Variants in DIS3L2 observed in about 807,000 individuals in gnomAD.
The protein encoded by DIS3L2 is DIS3-like exonuclease 2.
A neutral mutation model predicts 97.5 loss-of-function variants in DIS3L2; 34 were observed. That is an observed-to-expected ratio of 0.35 (90% confidence interval 0.27 to 0.46). The LOEUF (loss-of-function observed/expected upper bound fraction) is 0.46, where lower values mean the gene tolerates loss of function less well. Among genes scored for constraint, DIS3L2 ranks in the 20% least tolerant of loss-of-function variants. DIS3L2 has a pLI of 1.00. For synonymous variants in DIS3L2, 435 were observed against 445.2 expected (o/e 0.98, Z 0.29); for missense variants, 1,038 against 1,146.0 (o/e 0.91, Z 1.36).
chr2:232,245,054 G>A (rs1652530001), intron 11 of DIS3L2, among the ~76,000 whole-genome samples: 1 of 152,234 alleles, frequency 6.6e-6, no homozygotes, highest in East Asian at 1.9e-4. Flanking sequence ...GGTTCACACT[G>A]CATAGCAAAG....
At chr2:232,024,612 C>T (rs567172313) in intron 4 of DIS3L2, among the ~76,000 whole-genome samples, 166 of 152,292 alleles carry the variant, frequency 1.1e-3, no homozygotes, top group African/African-American at 3.9e-3. Flanking sequence ...TGTAACTGGA[C>T]GCCCTTGGTT....
downstream of DIS3L2, chr2:232,339,770 G>A (rs774292337): frequency 1.1e-5 from 5 of 454,452 alleles, no homozygotes; most frequent in Non-Finnish European, 1.8e-5. Flanking sequence ...TTTTGGGAGC[G>A]CAGGCAGGAT....
In DIS3L2 at chr2:232,199,583, C is replaced by G. The variant is rs137962456; in HGVS notation, c.1125-10743C>G. ...TGTGATTCTGGTCCCTGAACTGATA[C>G]AGAGTGATTTCCAGGATTTATTATT... On this transcript the variant is annotated intron_variant, in intron 9 of 20. Coordinates refer to ENST00000325385, the MANE Select transcript of DIS3L2 (RefSeq NM_152383.5). Among the ~76,000 whole-genome samples the G allele has an allele frequency of 2.6e-3, 392 of 152,140 alleles. 2 individuals carry two copies. Among genetic ancestry groups the G allele is most frequent in the African/African-American group, 8.9e-3 (368 of 41,506 alleles).
intron 10 of DIS3L2, among the ~76,000 whole-genome samples, chr2:232,232,145 A>G (rs776383615): frequency 2.6e-5 from 4 of 152,018 alleles, no homozygotes; most frequent in Admixed American, 1.3e-4. Flanking sequence ...CCACATGATG[A>G]GCAGTTGGGT....
chr2:232,200,076 G>A (rs1691849258), intron 9 of DIS3L2, among the ~76,000 whole-genome samples: 1 of 152,200 alleles, frequency 6.6e-6, no homozygotes, highest in Admixed American at 6.5e-5. Flanking sequence ...GTTGTGAGTG[G>A]TGTTGGCATT....
chr2:231,986,506 T>C (rs1031888344), intron 1 of DIS3L2, among the ~76,000 whole-genome samples: 5 of 152,176 alleles, frequency 3.3e-5, no homozygotes, highest in Non-Finnish European at 7.4e-5. Context: ...GGTCCACATA[T>C]TGTGTTTCAT....
rs966751135 is a variant in DIS3L2, at chr2:232,292,790, C to A, written c.1660-7250C>A. Among the ~76,000 whole-genome samples, 2 of 152,184 alleles carry A rather than the reference C, an allele frequency of 1.3e-5. No individual in the cohort carries two copies. Among genetic ancestry groups the A allele is most frequent in the African/African-American group, 4.8e-5 (2 of 41,454 alleles). On this transcript the variant is annotated intron_variant, in intron 13 of 20. Coordinates refer to ENST00000325385, the MANE Select transcript of DIS3L2 (RefSeq NM_152383.5). The surrounding 1 kb of genome is among the most constrained non-coding windows in gnomAD (Gnocchi z 4.4). ...TGAAAGCCTTGCCTCTAACTGAACC[C>A]TTTTGAAGGCTTCCGCCCTCTGCTG...
At chr2:232,333,759 G>C in intron 16 of DIS3L2, 81 bp from the exon 17 acceptor site, 93 of 1,413,088 alleles carry the variant, frequency 6.6e-5, no homozygotes, top group Admixed American at 3.6e-4. Context: ...TGCCGACGGT[G>C]AGGCTGTGGG....
At chr2:232,222,495 G>A (rs546092113) in intron 10 of DIS3L2, among the ~76,000 whole-genome samples, 27 of 151,944 alleles carry the variant, frequency 1.8e-4, no homozygotes, top group Non-Finnish European at 3.8e-4. Flanking sequence ...TTTTAAGACT[G>A]AGTCTTGCTC....
At chr2:232,074,571 C>CTTTTTTTTT (rs66518544) in intron 5 of DIS3L2, among the ~76,000 whole-genome samples, 1 of 104,190 alleles carries the variant, frequency 9.6e-6, no homozygotes. Context: ...ATCAAGGAAC[C>CTTTTTTTTT]TTTTTTTTTT....
At chr2:232,073,815 G>A (rs1306284521) in intron 5 of DIS3L2, among the ~76,000 whole-genome samples, 2 of 152,206 alleles carry the variant, frequency 1.3e-5, no homozygotes, top group Non-Finnish European at 2.9e-5. Context: ...ACATCAAACA[G>A]TTTTGAAGTG....
intron 6 of DIS3L2, among the ~76,000 whole-genome samples, chr2:232,090,499 A>G (rs757166818): frequency 3.3e-5 from 5 of 152,230 alleles, no homozygotes; most frequent in South Asian, 2.1e-4. Flanking sequence ...GAAAATTGCA[A>G]TTTGCTCTTT....
At chr2:232,128,785 A>G (rs1365017179) in intron 6 of DIS3L2, among the ~76,000 whole-genome samples, 1 of 152,146 alleles carries the variant, frequency 6.6e-6, no homozygotes, top group South Asian at 2.1e-4. Flanking sequence ...GTGGCAAGAC[A>G]TGGTTGTTGG....
intron 11 of DIS3L2, among the ~76,000 whole-genome samples, chr2:232,245,081 A>G (rs1246032944): frequency 6.6e-6 from 1 of 152,238 alleles, no homozygotes; most frequent in African/African-American, 2.4e-5. Flanking sequence ...AGGACAAGAC[A>G]GGATAAGACT....
intron 12 of DIS3L2, among the ~76,000 whole-genome samples, chr2:232,258,590 C>G (rs1693630651): frequency 8.4e-6 from 1 of 118,918 alleles, no homozygotes; most frequent in African/African-American, 3.3e-5. Flanking sequence ...CAGAGCGAGA[C>G]TCTGTCTCAA....
At chr2:232,164,149 C>T (rs1369055471) in intron 9 of DIS3L2, among the ~76,000 whole-genome samples, 2 of 152,182 alleles carry the variant, frequency 1.3e-5, no homozygotes, top group Non-Finnish European at 2.9e-5. Flanking sequence ...TGCCATAGAT[C>T]TGGTCAAGTA....
downstream of DIS3L2, among the ~76,000 whole-genome samples, chr2:232,339,001 C>T (rs151275814): frequency 0.011 from 1,697 of 152,318 alleles, 18 homozygotes; most frequent in African/African-American, 0.038. Context: ...TGACCAGGGC[C>T]TGGCGATGCT....
chr2:232,202,432 G>A (rs1691919183), intron 9 of DIS3L2, among the ~76,000 whole-genome samples: 1 of 152,168 alleles, frequency 6.6e-6, no homozygotes, highest in South Asian at 2.1e-4. Flanking sequence ...ATAGAACGAT[G>A]AGAGGTTCAT....
At chr2:232,308,406 A>G (rs1021780382) in intron 14 of DIS3L2, among the ~76,000 whole-genome samples, 1 of 145,716 alleles carries the variant, frequency 6.9e-6, no homozygotes, top group Admixed American at 6.8e-5. Context: ...CCTCTGCCTT[A>G]CTGCAGTTCT....
Sources: allele counts gnomAD v4.1 joint callset (sites outside exome capture counted in the v4.1 genomes callset), GRCh38; gene constraint gnomAD v4.1.1; non-coding constraint Gnocchi (gnomAD v3.1); transcripts MANE v1.5; gene names NCBI Gene and HGNC (gene_info 2026-07-23, HGNC 2026-07-21).